Variants in NBEA observed in about 807,000 individuals in gnomAD.
NBEA encodes lysosomal-trafficking regulator 2.
In NBEA, 44 loss-of-function variants were observed where a neutral mutation model predicts 343.4. The observed-to-expected ratio is 0.13, with a 90% CI of 0.10 to 0.16. The LOEUF is 0.16. Among genes scored for constraint, NBEA ranks in the 10% least tolerant of loss-of-function variants. NBEA has a pLI of 1.00. For synonymous variants in NBEA, 1,175 were observed against 1,238.7 expected (o/e 0.95, Z 1.08); for missense variants, 2,555 against 3,631.3 (o/e 0.70, Z 7.62).
intron 45 of NBEA, among the ~76,000 whole-genome samples, chr13:35,579,330 A>C (rs1047808590): frequency 3.3e-5 from 5 of 152,050 alleles, no homozygotes; most frequent in African/African-American, 1.2e-4. Context: ...TGTTCTCTAA[A>C]AGTTCTTCTG....
intron 41 of NBEA, among the ~76,000 whole-genome samples, chr13:35,534,972 A>G (rs962618203): frequency 6.6e-6 from 1 of 152,234 alleles, no homozygotes; most frequent in Non-Finnish European, 1.5e-5. Flanking sequence ...AAAAGAATAA[A>G]AACTCAGCAG....
chr13:35,133,845 A>C (rs2152687757), intron 17 of NBEA, among the ~76,000 whole-genome samples: 1 of 152,196 alleles, frequency 6.6e-6, no homozygotes, highest in South Asian at 2.1e-4. Context: ...ATCCCGAAGT[A>C]GAGTGTGAAG....
At chr13:35,387,550 G>A (rs1422478650) in intron 38 of NBEA, among the ~76,000 whole-genome samples, 2 of 151,996 alleles carry the variant, frequency 1.3e-5, no homozygotes, top group Non-Finnish European at 2.9e-5. Context: ...CCAGTATTGA[G>A]GATTTGAAAT....
At chr13:35,070,919 C>T in intron 10 of NBEA, 67 bp downstream of exon 10, 1 of 1,529,622 alleles carries the variant, frequency 6.5e-7, no homozygotes, top group Non-Finnish European at 8.9e-7. Context: ...ATGATGTACT[C>T]AGTGCTGTGT....
chr13:35,370,074 TTTG>T (rs551613695), intron 38 of NBEA, among the ~76,000 whole-genome samples: 7 of 152,084 alleles, frequency 4.6e-5, no homozygotes, highest in Admixed American at 6.5e-5. Flanking sequence ...AATTCAATTT[TTTG>T]TTGTTGTTGT....
rs745742935 is a variant in NBEA, at chr13:35,040,911, G to C, written c.295-22G>C. The C allele has an allele frequency of 5.7e-6, 9 of 1,589,424 alleles. No individual in the cohort carries two copies. The South Asian group carries it at 9.9e-5, about 18-fold the overall frequency. Reference sequence around the variant, plus strand: ...GATAACCTCCCATGTTAACACTATTGTTTCTTTCTGTTTACTTTCAGCTGG... The same window carrying C: ...GATAACCTCCCATGTTAACACTATTCTTTCTTTCTGTTTACTTTCAGCTGG... On this transcript the variant is annotated intron_variant, in intron 1 of 58. Coordinates refer to ENST00000379939, the MANE Select transcript of NBEA (RefSeq NM_001385012.1).
intron 35 of NBEA, among the ~76,000 whole-genome samples, chr13:35,298,557 A>C (rs573085948): frequency 6.6e-6 from 1 of 152,028 alleles, no homozygotes; most frequent in Non-Finnish European, 1.5e-5. Flanking sequence ...AACCTAATAA[A>C]CATGAGTGTT....
In NBEA at chr13:35,388,211, A is replaced by C. The variant is rs141885439; in HGVS notation, c.6179+35888A>C. On this transcript the variant is annotated intron_variant, in intron 38 of 58. Coordinates refer to ENST00000379939, the MANE Select transcript of NBEA (RefSeq NM_001385012.1). The stretch of plus-strand genomic sequence containing the variant: ...AGAGATGGCCAAATCTTATGTACTC[A>C]TTTTGACGATAGGTGGAATAATTAT... Among the ~76,000 whole-genome samples the C allele has an allele frequency of 4.2e-3, 634 of 152,284 alleles. 2 individuals are homozygous for C. The highest frequency in any genetic ancestry group is 6.8e-3 in the Non-Finnish European group (463 of 68,014).
chr13:35,229,596 C>T (rs909023862), intron 33 of NBEA, among the ~76,000 whole-genome samples: 2 of 152,038 alleles, frequency 1.3e-5, no homozygotes, highest in Admixed American at 6.6e-5. Flanking sequence ...TACATATTAA[C>T]AGATAGCTGT....
chr13:35,585,855 A>G (rs1394276737), intron 46 of NBEA, among the ~76,000 whole-genome samples: 1 of 152,120 alleles, frequency 6.6e-6, no homozygotes, highest in Non-Finnish European at 1.5e-5. Context: ...ACATCCACAG[A>G]TTCTACCAAC....
intron 41 of NBEA, among the ~76,000 whole-genome samples, chr13:35,491,341 T>G (rs2076492281): frequency 6.6e-6 from 1 of 151,898 alleles, no homozygotes; most frequent in Admixed American, 6.6e-5. Flanking sequence ...ACTCTTAAAT[T>G]TATATCTCTA....
chr13:35,406,524 G>A (rs935692957), intron 38 of NBEA, among the ~76,000 whole-genome samples: 7 of 151,912 alleles, frequency 4.6e-5, no homozygotes, highest in East Asian at 1.9e-4. Flanking sequence ...CTCATAGCTC[G>A]TCTCCCACTT....
At chr13:35,103,510 G>C (rs2065758197) in intron 11 of NBEA, among the ~76,000 whole-genome samples, 1 of 150,916 alleles carries the variant, frequency 6.6e-6, no homozygotes, top group Admixed American at 6.6e-5. Flanking sequence ...CCTGGAAAGC[G>C]TTTCACTTTT....
chr13:35,015,484 A>G (rs2061626053), intron 1 of NBEA, among the ~76,000 whole-genome samples: 11 of 152,122 alleles, frequency 7.2e-5, no homozygotes, highest in Admixed American at 7.2e-4. Context: ...AAAAGCTAAC[A>G]AACAGTATAT....
chr13:35,425,948 T>C (rs1458437711), intron 38 of NBEA, among the ~76,000 whole-genome samples: 2 of 152,202 alleles, frequency 1.3e-5, no homozygotes, highest in African/African-American at 4.8e-5. Context: ...AAGTCTGTTT[T>C]ATCAGAGACC....
intron 11 of NBEA, 92 bp from the exon 12 acceptor site, chr13:35,109,198 A>G (rs1756193249): frequency 1.8e-6 from 2 of 1,136,964 alleles, no homozygotes; most frequent in South Asian, 2.0e-5. Flanking sequence ...GGGATAGCAT[A>G]TGAAAAATTC....
chr13:35,405,608 A>G (rs781299981), intron 38 of NBEA, among the ~76,000 whole-genome samples: 1 of 152,166 alleles, frequency 6.6e-6, no homozygotes, highest in Non-Finnish European at 1.5e-5. Context: ...TATGAGATTT[A>G]AAAAACATTG....
At chr13:35,495,013 A>G (rs1377472861) in intron 41 of NBEA, among the ~76,000 whole-genome samples, 1 of 151,956 alleles carries the variant, frequency 6.6e-6, no homozygotes, top group Non-Finnish European at 1.5e-5. Context: ...TCTGTCAAAA[A>G]AAAAGAAAAG....
chr13:35,161,343 A>AT (rs1271310838), intron 22 of NBEA, among the ~76,000 whole-genome samples: 2 of 152,102 alleles, frequency 1.3e-5, no homozygotes, highest in African/African-American at 4.8e-5. Flanking sequence ...GTCAAGTAAT[A>AT]TTTTTTCTAA....
Sources: gnomAD v4.1 joint callset for allele counts (sites outside exome capture counted in the v4.1 genomes callset) on GRCh38, gnomAD v4.1.1 for gene constraint, MANE v1.5 for transcripts, NCBI Gene and HGNC (gene_info 2026-07-23, HGNC 2026-07-21) for gene names.